The following KAT6B variants were observed in gnomAD, a reference collection of about 807,000 sequenced individuals.
KAT6B encodes the protein lysine acetyltransferase 6B.
In KAT6B, 10 loss-of-function variants were observed where a neutral mutation model predicts 187.5. The observed-to-expected ratio is 0.05, with a 90% CI of 0.03 to 0.09. The LOEUF (loss-of-function observed/expected upper bound fraction) is 0.09. Among genes scored for constraint, KAT6B ranks in the 10% least tolerant of loss-of-function variants. KAT6B has a pLI of 1.00. For missense variants in KAT6B, 1,952 were observed against 2,558.9 expected (o/e 0.76, Z 5.12); for synonymous variants, 861 against 926.8 (o/e 0.93, Z 1.29).
At chr10:74,866,090 G>A (rs1305312546) in intron 3 of KAT6B, among the ~76,000 whole-genome samples, 3 of 151,980 alleles carry the variant, frequency 2.0e-5, no homozygotes, top group South Asian at 2.1e-4. Flanking sequence ...ATAGTCTGAG[G>A]TCTTGGAACT....
intron 13 of KAT6B, among the ~76,000 whole-genome samples, chr10:74,990,100 CAGG>C (rs1263915175): frequency 3.5e-5 from 5 of 143,318 alleles, no homozygotes; most frequent in African/African-American, 1.3e-4. Context: ...GAGGCTGAGG[CAGG>C]AGAATCACTT....
chr10:74,830,641 C>T (rs555401273), intron 1 of KAT6B, among the ~76,000 whole-genome samples: 1 of 148,096 alleles, frequency 6.8e-6, no homozygotes, highest in East Asian at 2.0e-4. Flanking sequence ...TTCTCGCCCT[C>T]TCCAATCTCA....
chr10:74,968,500 C>CTT (rs1012195464), intron 4 of KAT6B, among the ~76,000 whole-genome samples: 5 of 151,814 alleles, frequency 3.3e-5, no homozygotes. Flanking sequence ...TATGAAGCAC[C>CTT]TGTTAAGCTT....
chr10:74,873,204 T>C (rs1844136825), intron 3 of KAT6B, among the ~76,000 whole-genome samples: 1 of 151,856 alleles, frequency 6.6e-6, no homozygotes. Context: ...CTCACGGCTA[T>C]AATTTCAGTG....
chr10:74,885,335 A>T (rs1266173701), intron 3 of KAT6B, among the ~76,000 whole-genome samples: 4 of 152,174 alleles, frequency 2.6e-5, no homozygotes, highest in Non-Finnish European at 5.9e-5. Flanking sequence ...GTAAATTTAT[A>T]TAGTCGCATG....
At chr10:74,851,004 GT>G in intron 3 of KAT6B, among the ~76,000 whole-genome samples, 1 of 151,722 alleles carries the variant, frequency 6.6e-6, no homozygotes. Flanking sequence ...GGCTTCTGAT[GT>G]TTTTTCTGTT....
intron 17 of KAT6B, among the ~76,000 whole-genome samples, chr10:75,027,510 G>A (rs1845959330): frequency 6.6e-6 from 1 of 151,946 alleles, no homozygotes. Flanking sequence ...CCTTTAAATT[G>A]ACCACTGATT....
At chr10:74,873,769 T>A (rs1004767020) in intron 3 of KAT6B, among the ~76,000 whole-genome samples, 2 of 152,202 alleles carry the variant, frequency 1.3e-5, no homozygotes, top group African/African-American at 4.8e-5. Flanking sequence ...CAATAGAATC[T>A]TCTCCCCAAG....
intron 3 of KAT6B, among the ~76,000 whole-genome samples, chr10:74,849,683 T>A (rs1842342855): frequency 6.6e-6 from 1 of 152,234 alleles, no homozygotes; most frequent in Non-Finnish European, 1.5e-5. Context: ...GTAAGAATAA[T>A]AACTAACGTT....
rs773566417 is a variant in KAT6B, at chr10:74,976,128, T to G, written c.1791T>G (p.Phe597Leu). 1.2e-6 allele frequency: 2 copies of G among 1,614,226 alleles called. No individual in the cohort carries two copies. Among genetic ancestry groups the G allele is most frequent in the Non-Finnish European group, 1.7e-6 (2 of 1,180,028 alleles). ...FFGKRDIRSR[F>L]ISHSSSSSWG... ...GCAAAAGAGATATTAGAAGTCGGTT[T>G]ATTTCTCACTCCTCCTCCTCTAGCT... is the stretch of plus-strand genomic sequence containing the variant. The change falls in exon 8 of 18, where the codon TTT becomes TTG. Residue 597 changes from phenylalanine to leucine, a missense_variant. Transcript: ENST00000287239.
chr10:74,891,313 A>G lies in KAT6B; in HGVS notation c.621+47835A>G, dbSNP rs1845631608. ...TTCTGGGCTCTGGTTTTGGCTCTGC[A>G]CATGCCTTGCTGAGAAGACCTTAAG... is the stretch of plus-strand genomic sequence containing the variant. On this transcript the variant is annotated intron_variant, in intron 3 of 17. Transcript: ENST00000287239. 2.0e-5 allele frequency among the ~76,000 whole-genome samples: 3 copies of G among 152,228 alleles called. No individual in the cohort carries two copies. In the South Asian group the frequency reaches 6.2e-4, roughly 32 times the overall value.
intron 3 of KAT6B, among the ~76,000 whole-genome samples, chr10:74,958,462 C>T (rs1346898218): frequency 6.6e-6 from 1 of 152,112 alleles, no homozygotes; most frequent in African/African-American, 2.4e-5. Context: ...AATATAGAGA[C>T]ATCATAGTAA....
chr10:74,994,759 A>T (rs1843322300), intron 13 of KAT6B, among the ~76,000 whole-genome samples: 1 of 151,200 alleles, frequency 6.6e-6, no homozygotes, highest in Non-Finnish European at 1.5e-5. Flanking sequence ...CTGAGATTGC[A>T]CCACTGCACT....
intron 3 of KAT6B, among the ~76,000 whole-genome samples, chr10:74,849,162 G>A (rs1331220455): frequency 6.6e-6 from 1 of 152,056 alleles, no homozygotes; most frequent in Admixed American, 6.5e-5. Context: ...TTGTATTTTA[G>A]TAGAGATGGG....
intron 3 of KAT6B, among the ~76,000 whole-genome samples, chr10:74,846,823 T>G (rs2132115696): frequency 6.6e-6 from 1 of 152,374 alleles, no homozygotes; most frequent in Admixed American, 6.5e-5. Flanking sequence ...TTTGGATATC[T>G]TTGTTTTTAA....
intron 2 of KAT6B, 95 bp from the exon 3 acceptor site, chr10:74,842,505 C>T: frequency 1.9e-6 from 1 of 521,308 alleles, no homozygotes; most frequent in Admixed American, 3.7e-5. Flanking sequence ...TTCTTGTGGT[C>T]ATTCTGTGTC....
chr10:74,877,155 A>G (rs1257088533), intron 3 of KAT6B, among the ~76,000 whole-genome samples: 1 of 151,926 alleles, frequency 6.6e-6, no homozygotes, highest in East Asian at 2.0e-4. Context: ...TAGTGGAGAC[A>G]GGGTTTCACC....
intron 3 of KAT6B, among the ~76,000 whole-genome samples, chr10:74,955,309 C>T (rs753823536): frequency 2.6e-5 from 4 of 151,580 alleles, no homozygotes; most frequent in South Asian, 2.1e-4. Context: ...ATATTAATCC[C>T]GCAGATATAG....
Position 75,031,905 on chromosome 10 carries a change from A to T in KAT6B, c.*859A>T, listed in dbSNP as rs1462908672. ...AAAAAAAAATAGTGAATTTGGTGTAAAGTTGCTATTTTATGGAAATGCCTC... is the reference window on the plus strand; with the variant it reads ...AAAAAAAAATAGTGAATTTGGTGTATAGTTGCTATTTTATGGAAATGCCTC... On this transcript the variant is annotated 3_prime_UTR_variant, in exon 18 of 18. Transcript: ENST00000287239. 1 of 197,110 alleles carries T rather than the reference A, an allele frequency of 5.1e-6. No individual in the cohort carries two copies. Among genetic ancestry groups the T allele is most frequent in the Non-Finnish European group, 1.1e-5 (1 of 95,070 alleles). 12.2% of individuals were successfully genotyped at this position (197,110 alleles called of 1,614,324 possible).
Sources: gnomAD v4.1 joint callset for allele counts (sites outside exome capture counted in the v4.1 genomes callset) on GRCh38, gnomAD v4.1.1 for gene constraint, MANE v1.5 for transcripts, NCBI Gene and HGNC (gene_info 2026-07-23, HGNC 2026-07-21) for gene names.